The following SBF2 variants were observed in gnomAD, a reference collection of about 807,000 sequenced individuals.
SBF2 encodes the protein myotubularin-related protein 13.
A neutral mutation model predicts 225.2 loss-of-function variants in SBF2; 112 were observed. That is an observed-to-expected ratio of 0.50 (90% confidence interval 0.43 to 0.58). The LOEUF is 0.58. SBF2 is among the 20% of genes least tolerant of loss of function. SBF2 has a pLI of 0.00. For missense variants in SBF2, 1,996 were observed against 2,206.2 expected, an observed-to-expected ratio of 0.90 and a Z score of 1.91; for synonymous variants, 763 against 773.3, an observed-to-expected ratio of 0.99 and a Z score of 0.22.
intron 2 of SBF2, among the ~76,000 whole-genome samples, chr11:10,137,962 TGCACTCCAGCCTGGGAGACAGAGTA>T (rs1342380181): frequency 1.3e-5 from 2 of 152,018 alleles, no homozygotes; most frequent in East Asian, 3.9e-4. Flanking sequence ...ATTGTGCCAT[TGCACTCCAGCCTGGGAGACAGAGTA>T]AGACTCCATC....
chr11:10,273,300 A>G (rs1962688066), intron 1 of SBF2, among the ~76,000 whole-genome samples: 1 of 152,220 alleles, frequency 6.6e-6, no homozygotes, highest in South Asian at 2.1e-4. Flanking sequence ...GCACAAGTTA[A>G]ATCAGCCCAG....
intron 19 of SBF2, among the ~76,000 whole-genome samples, chr11:9,855,276 G>A (rs1857235416): frequency 6.6e-6 from 1 of 152,196 alleles, no homozygotes; most frequent in Admixed American, 6.5e-5. Flanking sequence ...CTGATTCCAA[G>A]TTGTCTAGCC....
At chr11:10,234,786 C>T (rs1958997144) in intron 1 of SBF2, among the ~76,000 whole-genome samples, 1 of 152,144 alleles carries the variant, frequency 6.6e-6, no homozygotes, top group South Asian at 2.1e-4. Context: ...GAAAAGAATG[C>T]ATGCATCCAA....
intron 38 of SBF2, among the ~76,000 whole-genome samples, chr11:9,782,442 T>C (rs1486652038): frequency 1.3e-5 from 2 of 152,154 alleles, no homozygotes; most frequent in East Asian, 1.9e-4. Context: ...TTGAGAAATA[T>C]TAAAAATGGC....
At chr11:9,883,481 G>A (rs1237794659) in intron 17 of SBF2, among the ~76,000 whole-genome samples, 1 of 152,112 alleles carries the variant, frequency 6.6e-6, no homozygotes, top group Non-Finnish European at 1.5e-5. Flanking sequence ...AAGGGAATAG[G>A]TTCTGAAATC....
At chr11:10,116,810 C>A (rs1231112384) in intron 2 of SBF2, among the ~76,000 whole-genome samples, 1 of 152,172 alleles carries the variant, frequency 6.6e-6, no homozygotes, top group Non-Finnish European at 1.5e-5. Context: ...AGCCTTCAGG[C>A]CCATTCAAGT....
At chr11:9,921,630 A>G (rs553276992) in intron 16 of SBF2, among the ~76,000 whole-genome samples, 1 of 152,294 alleles carries the variant, frequency 6.6e-6, no homozygotes, top group South Asian at 2.1e-4. Context: ...AAATTACTCT[A>G]TTTGCTTAAA....
intron 3 of SBF2, among the ~76,000 whole-genome samples, chr11:10,032,065 T>C (rs1311802463): frequency 1.3e-5 from 2 of 152,176 alleles, no homozygotes; most frequent in African/African-American, 2.4e-5. Flanking sequence ...CATACAAAAC[T>C]GAATTTCAGA....
intron 2 of SBF2, among the ~76,000 whole-genome samples, chr11:10,185,130 G>A (rs61892569): frequency 0.099 from 14,993 of 150,720 alleles, 880 homozygotes; most frequent in Non-Finnish European, 0.11. Flanking sequence ...GTGTGTGTGC[G>A]TGCACACGTG....
At chr11:10,025,382 TA>T (rs767270041) in intron 6 of SBF2, among the ~76,000 whole-genome samples, 3,878 of 150,250 alleles carry the variant, frequency 0.026, 74 homozygotes, top group Non-Finnish European at 0.039. Context: ...GAGCTTTATA[TA>T]AAAAAAAAAT....
chr11:9,788,322 G>A (rs887499589), intron 35 of SBF2, among the ~76,000 whole-genome samples: 20 of 152,182 alleles, frequency 1.3e-4, no homozygotes, highest in Non-Finnish European at 2.2e-4. Context: ...GGAACTGTCT[G>A]GCCCATATCA....
intron 1 of SBF2, 128 bp downstream of exon 1, chr11:10,293,887 C>T (rs1048623315): frequency 1.5e-6 from 1 of 645,540 alleles, no homozygotes; most frequent in Admixed American, 4.6e-5. Flanking sequence ...GGACGCCGAC[C>T]GCCCGCTCCT....
At chr11:10,010,002 G>A (rs1342297099) in intron 6 of SBF2, among the ~76,000 whole-genome samples, 1 of 152,210 alleles carries the variant, frequency 6.6e-6, no homozygotes. Context: ...CTGATGATCA[G>A]TGATGATGAG....
At chr11:9,986,423 T>C (rs992298245) in intron 13 of SBF2, among the ~76,000 whole-genome samples, 3 of 150,932 alleles carry the variant, frequency 2.0e-5, no homozygotes, top group Non-Finnish European at 1.5e-5. Context: ...AGAAAGGAAA[T>C]AACCAGGATC....
At chr11:9,820,264 T>C (rs1369540636) in intron 28 of SBF2, among the ~76,000 whole-genome samples, 1 of 151,902 alleles carries the variant, frequency 6.6e-6, no homozygotes, top group Non-Finnish European at 1.5e-5. Context: ...TACAAGTGAG[T>C]TTTCACTCCC....
intron 2 of SBF2, among the ~76,000 whole-genome samples, chr11:10,177,149 T>C (rs959017214): frequency 1.3e-5 from 2 of 151,992 alleles, no homozygotes; most frequent in Non-Finnish European, 2.9e-5. Flanking sequence ...CAACTCTTCA[T>C]GCTAAAAACT....
At chr11:10,118,098 T>C (rs1422508592) in intron 2 of SBF2, among the ~76,000 whole-genome samples, 1 of 152,198 alleles carries the variant, frequency 6.6e-6, no homozygotes, top group Non-Finnish European at 1.5e-5. Context: ...CCTTGATTCA[T>C]TATTAGAATT....
At chr11:10,216,640 C>T (rs1416131720) in intron 1 of SBF2, among the ~76,000 whole-genome samples, 5 of 152,184 alleles carry the variant, frequency 3.3e-5, no homozygotes, top group Non-Finnish European at 5.9e-5. Flanking sequence ...GAGGCCAAGG[C>T]GGGTGGATCA....
Position 10,290,443 on chromosome 11 carries a change from G to A in SBF2, c.55+3572C>T, listed in dbSNP as rs149403057. 4.7e-3 allele frequency among the ~76,000 whole-genome samples: 710 copies of A among 152,246 alleles called. 4 individuals carry two copies. The highest frequency in any genetic ancestry group is 0.017 in the African/African-American group (696 of 41,544). ...GGGGTACGAAGTGTGTCCACCGACA[G>A]TGGGGAGACCAACATGAGGAGTCAT... is the stretch of plus-strand genomic sequence containing the variant. On this transcript the variant is annotated intron_variant, in intron 1 of 39. Transcript: ENST00000256190.
Sources: allele counts gnomAD v4.1 joint callset (sites outside exome capture counted in the v4.1 genomes callset), GRCh38; gene constraint gnomAD v4.1.1; transcripts MANE v1.5; gene names NCBI Gene and HGNC (gene_info 2026-07-23, HGNC 2026-07-21).